The following TNRC6C variants were observed in gnomAD, a reference collection of about 807,000 sequenced individuals.
TNRC6C encodes trinucleotide repeat-containing gene 6C protein.
Under a neutral mutation model 153.7 loss-of-function variants are expected in TNRC6C, and 20 were observed. That is an observed-to-expected ratio of 0.13 (90% CI 0.09 to 0.19). The LOEUF (loss-of-function observed/expected upper bound fraction) is 0.19, where lower values mean the gene tolerates loss of function less well. Ranked by LOEUF, TNRC6C falls within the 10% of genes least tolerant of loss-of-function variation. The pLI, the probability that TNRC6C is intolerant of heterozygous loss-of-function variation, is 1.00. For missense variants in TNRC6C, 1,987 were observed against 2,172.0 expected (o/e 0.91, Z 1.69); for synonymous variants, 811 against 841.4 (o/e 0.96, Z 0.63).
rs190802280 is a variant in TNRC6C, at chr17:78,073,366, A to C, written c.2917+272A>C. ...TGTTTTGAGGGAAGGTAATAATGAC[A>C]CTCTGAGAGACACTGGAACCACACA... On this transcript the variant is annotated intron_variant, in intron 7 of 19. Transcript: ENST00000301624. Among the ~76,000 whole-genome samples the C allele has an allele frequency of 7.9e-5, 12 of 152,260 alleles. 1 individual carries two copies. Among genetic ancestry groups the C allele is most frequent in the Admixed American group, 7.8e-4 (12 of 15,294 alleles).
intron 2 of TNRC6C, among the ~76,000 whole-genome samples, 185 bp from the exon 5 acceptor site, chr17:78,048,660 T>G (rs1023580789): frequency 1.3e-5 from 2 of 152,232 alleles, no homozygotes; most frequent in African/African-American, 2.4e-5. Flanking sequence ...TTAAAAACAT[T>G]AACGCTCTTT....
At chr17:78,048,468 G>A (rs1211129647) in intron 2 of TNRC6C, among the ~76,000 whole-genome samples, 1 of 152,100 alleles carries the variant, frequency 6.6e-6, no homozygotes, top group South Asian at 2.1e-4. Context: ...AAAACTCTAC[G>A]TGAACTTACT....
rs775367234 is a variant in TNRC6C at position 78,049,073 on chromosome 17, G to C, written c.11G>C (p.Gly4Ala). 6.5e-7 allele frequency: 1 copy of C among 1,542,232 alleles called. No homozygotes were observed. Among genetic ancestry groups the C allele is most frequent in the South Asian group, 1.3e-5 (1 of 78,346 alleles). ...TCAGAGAACAGTAGCATGGCTACAG[G>C]GAGTGCCCAGGGCAACTTCACTGGA... Residue 4 changes from glycine to alanine, a missense_variant, in exon 3 of 20, where the codon GGG becomes GCG. Gly to Ala is a moderately conservative substitution (Grantham distance 60). Coordinates refer to ENST00000301624, the Ensembl canonical transcript of TNRC6C. This position sits in a 1 kb window ranked among gnomAD's most constrained non-coding sequence, Gnocchi z 4.1.
At chr17:77,963,455 A>G (rs1477693562) in intron 1 of TNRC6C, among the ~76,000 whole-genome samples, 3 of 152,238 alleles carry the variant, frequency 2.0e-5, no homozygotes, top group South Asian at 4.1e-4. Flanking sequence ...CTGAAAATCC[A>G]TATCGTTTGT....
intron 13 of TNRC6C, among the ~76,000 whole-genome samples, chr17:78,088,024 G>A (rs564118856): frequency 2.6e-5 from 4 of 152,246 alleles, no homozygotes; most frequent in Non-Finnish European, 5.9e-5. Flanking sequence ...AGGGTTATCG[G>A]TAACTTGGAA....
intron 3 of TNRC6C, among the ~76,000 whole-genome samples, chr17:78,064,136 C>T (rs1316943835): frequency 6.6e-6 from 1 of 152,166 alleles, no homozygotes; most frequent in Non-Finnish European, 1.5e-5. Flanking sequence ...CTCTGCCTCC[C>T]GGGTTACCAA....
rs1373625180 is a variant in TNRC6C at position 78,049,019 on chromosome 17, C to T, written c.-44C>T. 6.8e-7 allele frequency: 1 copy of T among 1,464,750 alleles called. No individual in the cohort carries two copies. Among genetic ancestry groups the T allele is most frequent in the Non-Finnish European group, 9.0e-7 (1 of 1,107,912 alleles). 90.7% of individuals were successfully genotyped at this position (1,464,750 alleles called of 1,614,324 possible). On this transcript the variant is annotated 5_prime_UTR_variant, in exon 3 of 20. Transcript: ENST00000301624. This position sits in a 1 kb window ranked among gnomAD's most constrained non-coding sequence, Gnocchi z 4.1. ...ACTGAATCTGCCTCAGAATGTACTACAGACACTGACTCTGCCTCCAACTGT... is the reference window on the plus strand; with the variant it reads ...ACTGAATCTGCCTCAGAATGTACTATAGACACTGACTCTGCCTCCAACTGT...
chr17:78,051,480 TAA>T (rs201980311), intron 3 of TNRC6C, 32 bp downstream of exon 5: 86,798 of 1,079,982 alleles, frequency 0.08, 326 homozygotes, highest in African/African-American at 0.15. Flanking sequence ...TCTTTACAAG[TAA>T]AAAAAAAAAA....
chr17:77,992,497 C>CAAAAA (rs1333860215), intron 1 of TNRC6C, among the ~76,000 whole-genome samples: 3 of 29,520 alleles, frequency 1.0e-4, no homozygotes, highest in African/African-American at 9.5e-4. Context: ...GACTCCGTCT[C>CAAAAA]AAAAAAAAAA....
chr17:78,008,859 G>A (rs2071570362), intron 1 of TNRC6C: 1 of 152,158 alleles, frequency 6.6e-6, no homozygotes, highest in Non-Finnish European at 1.5e-5. Context: ...ATCCTTGAAT[G>A]CATCTCTCTA....
chr17:78,050,964 G>A (rs761631544), exon 3 of TNRC6C: 10 of 1,613,878 alleles, frequency 6.2e-6, no homozygotes, highest in Non-Finnish European at 7.6e-6. Flanking sequence ...ATGACACCAC[G>A]AGATCTGGGA....
exon 20 of TNRC6C, chr17:78,106,093 A>T (rs945684099): frequency 1.3e-5 from 2 of 151,592 alleles, no homozygotes; most frequent in East Asian, 3.8e-4. Context: ...GTGGCCATAG[A>T]TACTTGTAAA....
chr17:78,005,036 C>T, upstream of TNRC6C: 1 of 1,207,410 alleles, frequency 8.3e-7, no homozygotes. Flanking sequence ...TTCTTTCTTT[C>T]TCTCTCTTTT....
At chr17:78,072,792 A>G (rs950293705) in intron 6 of TNRC6C, among the ~76,000 whole-genome samples, 3 of 152,202 alleles carry the variant, frequency 2.0e-5, no homozygotes, top group South Asian at 2.1e-4. Context: ...TTTTACTGCC[A>G]CTCTGCATTT....
At chr17:77,999,724 T>A (rs1337909224), upstream of TNRC6C, among the ~76,000 whole-genome samples, 1 of 152,212 alleles carries the variant, frequency 6.6e-6, no homozygotes, top group Admixed American at 6.5e-5. Context: ...GGAGCTGTTT[T>A]CATCTGGAGG....
chr17:77,985,260 G>T (rs931697741), intron 1 of TNRC6C, among the ~76,000 whole-genome samples: 1 of 152,016 alleles, frequency 6.6e-6, no homozygotes, highest in Non-Finnish European at 1.5e-5. Flanking sequence ...TCAATTCCTA[G>T]GCTACCCATG....
At chr17:78,065,962 A>G in intron 4 of TNRC6C, among the ~76,000 whole-genome samples, 1 of 152,134 alleles carries the variant, frequency 6.6e-6, no homozygotes, top group East Asian at 1.9e-4. Context: ...TGGGCATGGT[A>G]GCTCACGCCT....
At chr17:78,053,428 G>A (rs1452731518) in intron 3 of TNRC6C, among the ~76,000 whole-genome samples, 3 of 152,044 alleles carry the variant, frequency 2.0e-5, no homozygotes, top group South Asian at 2.1e-4. Flanking sequence ...TCAGGAGTTC[G>A]AGACCAGCCT....
chr17:78,050,017 G>A, exon 3 of TNRC6C: 1 of 1,613,644 alleles, frequency 6.2e-7, no homozygotes. Context: ...TGGCAACAAT[G>A]GCGTTGGTAA....
Sources: gnomAD v4.1 joint callset for allele counts (sites outside exome capture counted in the v4.1 genomes callset) on GRCh38, gnomAD v4.1.1 for gene constraint, Gnocchi (gnomAD v3.1) non-coding constraint, MANE v1.5 for transcripts, NCBI Gene and HGNC (gene_info 2026-07-23, HGNC 2026-07-21) for gene names.